TOX3: variants seen among roughly 807,000 people sequenced by gnomAD.
TOX3 encodes CAG trinucleotide repeat-containing gene F9 protein.
Under a neutral mutation model 64.3 loss-of-function variants are expected in TOX3, and 22 were observed. That is an observed-to-expected ratio of 0.34 (90% CI 0.24 to 0.49). The LOEUF (loss-of-function observed/expected upper bound fraction) is 0.49. TOX3 is among the 20% of genes least tolerant of loss of function. The pLI, the probability that TOX3 is intolerant of heterozygous loss-of-function variation, is 0.99. For missense variants in TOX3, 661 were observed against 714.4 expected, an observed-to-expected ratio of 0.93 and a Z score of 0.85; for synonymous variants, 291 against 273.6, an observed-to-expected ratio of 1.06 and a Z score of -0.63.
Position 52,446,008 on chromosome 16 carries a change from C to T in TOX3, c.892G>A (p.Glu298Lys), listed in dbSNP as rs1960151227. ...CTTTGTCTCACCTGCTTTTGTTCTT[C>T]TCCAAGGCTGTCCCACATAGATGCT... ...IVASMWDSLG[E>K]EQKQVYKRKT... is the part of the protein sequence containing the mutation. The change falls in exon 5 of 7, where the codon GAA (glutamate) becomes AAA (lysine). Residue 298 changes from glutamate to lysine, a missense_variant. This residue lies in a region of TOX3 where 103 missense variants were observed against 161.2 expected (regional missense o/e 0.64). Transcript: ENST00000219746. 10 of 1,613,744 alleles carry T rather than the reference C, an allele frequency of 6.2e-6. No homozygotes were observed. Among genetic ancestry groups the T allele is most frequent in the Non-Finnish European group, 8.5e-6 (10 of 1,179,690 alleles).
chr16:52,465,879 A>G (rs1960850068), intron 2 of TOX3, among the ~76,000 whole-genome samples: 1 of 152,204 alleles, frequency 6.6e-6, no homozygotes. Context: ...ACATCGTAGC[A>G]GAATAATACA....
chr16:52,450,985 T>G (rs760360556), intron 3 of TOX3, among the ~76,000 whole-genome samples: 3 of 152,210 alleles, frequency 2.0e-5, no homozygotes, highest in Non-Finnish European at 4.4e-5. Flanking sequence ...TCCATTAGTT[T>G]ACCATCCTTC....
intron 1 of TOX3, among the ~76,000 whole-genome samples, chr16:52,508,164 T>G (rs1029780515): frequency 6.6e-6 from 1 of 152,224 alleles, no homozygotes; most frequent in African/African-American, 2.4e-5. Flanking sequence ...TACAAATATC[T>G]GAAGACATTA....
intron 1 of TOX3, among the ~76,000 whole-genome samples, chr16:52,532,577 T>C (rs765544895): frequency 6.6e-6 from 1 of 152,210 alleles, no homozygotes. Flanking sequence ...CCAACCTAAA[T>C]TGCTGACATG....
intron 3 of TOX3, among the ~76,000 whole-genome samples, chr16:52,456,834 T>C (rs1037703815): frequency 2.0e-5 from 3 of 152,206 alleles, no homozygotes; most frequent in Non-Finnish European, 4.4e-5. Context: ...TACTGGGGCC[T>C]GCCTAAGGCT....
At chr16:52,441,053 C>A (rs1482498028) in intron 6 of TOX3, among the ~76,000 whole-genome samples, 1 of 152,058 alleles carries the variant, frequency 6.6e-6, no homozygotes, top group Non-Finnish European at 1.5e-5. Context: ...TGAGCCACTA[C>A]CCCTGGCCAG....
chr16:52,511,445 T>C (rs1271106165), intron 1 of TOX3, among the ~76,000 whole-genome samples: 1 of 152,094 alleles, frequency 6.6e-6, no homozygotes, highest in Non-Finnish European at 1.5e-5. Context: ...TGGGCCAAGA[T>C]TGTGCCATTG....
chr16:52,528,022 C>T (rs1567352034), intron 1 of TOX3, among the ~76,000 whole-genome samples: 1 of 152,136 alleles, frequency 6.6e-6, no homozygotes, highest in Non-Finnish European at 1.5e-5. Flanking sequence ...AAAACATCAA[C>T]AGTGCTGAGA....
Position 52,446,063 on chromosome 16 carries a change from A to G in TOX3, c.837T>C (p.Asn279=). ...TTTTTGAGACCTCTCCAAAGGTTGC[A>G]TTGGGGTTTTGACCTTTAATTGCAG... ...TQAAIKGQNP[N]ATFGEVSKIV... Residue 279 remains asparagine (N), a synonymous_variant, in exon 5 of 7, where the codon AAT becomes AAC. Coordinates refer to ENST00000219746, the MANE Select transcript of TOX3 (RefSeq NM_001080430.4). 6.2e-7 allele frequency: 1 copy of G among 1,613,938 alleles called. No homozygotes were observed. The highest frequency in any genetic ancestry group is 1.3e-5 in the African/African-American group (1 of 75,048).
At chr16:52,455,436 T>A (rs1021517986) in intron 3 of TOX3, among the ~76,000 whole-genome samples, 1 of 152,150 alleles carries the variant, frequency 6.6e-6, no homozygotes, top group African/African-American at 2.4e-5. Context: ...CAAAATCCCC[T>A]TCATTTGCAA....
intron 1 of TOX3, among the ~76,000 whole-genome samples, chr16:52,476,699 C>T (rs1326113191): frequency 4.6e-5 from 7 of 152,094 alleles, no homozygotes; most frequent in African/African-American, 1.7e-4. Flanking sequence ...TGTCTCCCTC[C>T]CTTCTGCCTG....
Position 52,439,234 on chromosome 16 carries a change from A to T in TOX3, c.1722T>A (p.Ser574Arg). The T allele has an allele frequency of 6.2e-7, 1 of 1,613,898 alleles. No homozygotes were observed. The highest frequency in any genetic ancestry group is 8.5e-7 in the Non-Finnish European group (1 of 1,179,856). Reference sequence around the variant, plus strand: ...TCTGCCATATGCGTCTTCAGAAAATACTGACCTGCGATAATACTTGAGTCT... The same window carrying T: ...TCTGCCATATGCGTCTTCAGAAAATTCTGACCTGCGATAATACTTGAGTCT... ...QTQTQVLSQV[S>R]IF Residue 574 changes from serine (S) to arginine (R), a missense_variant, in exon 7 of 7, where the codon AGT becomes AGA. Physicochemically the swap from Ser to Arg is moderately radical, Grantham distance 110. This residue lies in a region of TOX3 where 299 missense variants were observed against 292.1 expected (regional missense o/e 1.02). Transcript: ENST00000219746.
intron 1 of TOX3, among the ~76,000 whole-genome samples, chr16:52,490,572 T>C (rs1450479722): frequency 6.6e-6 from 1 of 151,576 alleles, no homozygotes; most frequent in East Asian, 1.9e-4. Context: ...ATTTTTTAAA[T>C]TGAAAAGTAT....
At chr16:52,521,097 C>CCT (rs199969728) in intron 1 of TOX3, among the ~76,000 whole-genome samples, 2 of 151,730 alleles carry the variant, frequency 1.3e-5, no homozygotes. Flanking sequence ...TCCGTCTCTC[C>CCT]CTCTCTCTCT....
intron 1 of TOX3, among the ~76,000 whole-genome samples, 168 bp from the exon 2 acceptor site, chr16:52,468,742 T>A (rs1457798504): frequency 6.6e-6 from 1 of 152,052 alleles, no homozygotes; most frequent in Non-Finnish European, 1.5e-5. Flanking sequence ...CCTCAGAAAA[T>A]AAAGCACAGA....
intron 1 of TOX3, among the ~76,000 whole-genome samples, chr16:52,488,388 G>A (rs963269402): frequency 2.8e-4 from 42 of 152,246 alleles, no homozygotes; most frequent in Middle Eastern, 3.4e-3. Flanking sequence ...AGCTTGTGTT[G>A]ATAATGGTTA....
intron 1 of TOX3, among the ~76,000 whole-genome samples, chr16:52,476,075 T>C (rs996660378): frequency 4.5e-4 from 68 of 152,326 alleles, no homozygotes; most frequent in African/African-American, 1.6e-3. Context: ...TTGGCACGCA[T>C]ATTTACAATC....
rs1960311984 is a variant in TOX3, at chr16:52,450,659, T to C, written c.409-113A>G. 9 of 1,317,912 alleles carry C rather than the reference T, an allele frequency of 6.8e-6. No individual in the cohort carries two copies. The South Asian group carries it at 1.1e-4, about 16-fold the overall frequency. 81.6% of individuals were successfully genotyped at this position (1,317,912 alleles called of 1,614,324 possible). ...TGAACTGTTGCAATGTTGATAGGTC[T>C]GACCTATTGCAGGATGATGGTCTCC... On this transcript the variant is annotated intron_variant, in intron 3 of 6. Transcript: ENST00000219746.
intron 1 of TOX3, chr16:52,519,607 G>C: frequency 2.8e-6 from 4 of 1,411,022 alleles, no homozygotes; most frequent in East Asian, 2.6e-5. Flanking sequence ...AAAACAACAT[G>C]GTTGGGCAAT....
Sources: allele counts gnomAD v4.1 joint callset (sites outside exome capture counted in the v4.1 genomes callset), GRCh38; gene constraint gnomAD v4.1.1; regional missense constraint gnomAD v4.1.1; transcripts MANE v1.5; gene names NCBI Gene and HGNC (gene_info 2026-07-23, HGNC 2026-07-21).